VPS13A: variants seen among roughly 807,000 people sequenced by gnomAD.
VPS13A encodes vacuolar protein sorting 13 homolog A.
VPS13A carries 264 observed loss-of-function variants against 390.9 expected under a neutral mutation model. The observed-to-expected ratio is 0.68, with a 90% CI of 0.61 to 0.75. The LOEUF (loss-of-function observed/expected upper bound fraction) is 0.75. Among genes scored for constraint, VPS13A ranks in the 30% least tolerant of loss-of-function variants. VPS13A has a pLI of 0.00. For missense variants in VPS13A, 3,409 were observed against 3,733.9 expected (o/e 0.91, Z 2.27); for synonymous variants, 1,231 against 1,227.1 (o/e 1.00, Z -0.07).
At chr9:77,220,158 T>C (rs1823111182) in intron 11 of VPS13A, 77 bp downstream of exon 11, 3 of 1,529,506 alleles carry the variant, frequency 2.0e-6, no homozygotes, top group Non-Finnish European at 2.7e-6. Context: ...AATGTTTCAC[T>C]AAAATTCATG....
In VPS13A at chr9:77,207,247, AT is replaced by A. The variant is rs1564630475; in HGVS notation, c.385+1169del. Among the ~76,000 whole-genome samples the A allele has an allele frequency of 6.7e-4, 77 of 115,766 alleles. 7 individuals are homozygous for A. The highest frequency in any genetic ancestry group is 2.1e-3 in the African/African-American group (67 of 31,554). The allele number at this position is 115,766 out of a possible 152,430, so 75.9% of individuals were successfully genotyped here. On this transcript the variant is annotated intron_variant, in intron 5 of 71. Coordinates refer to ENST00000360280, the MANE Select transcript of VPS13A (RefSeq NM_033305.3). ...TATATATATATATATATATATATAT[AT>A]ATATAAAACGTGTTATATGTAACAT...
chr9:77,204,976 C>T (rs4259476), intron 3 of VPS13A, among the ~76,000 whole-genome samples: 145,569 of 152,220 alleles, frequency 0.96, 69,661 homozygotes, highest in East Asian at 1. Context: ...AGAGTAAGAA[C>T]TGGGGAAATT....
At chr9:77,225,784 A>C (rs981491630) in intron 13 of VPS13A, 142 bp from the exon 14 acceptor site, 1 of 605,890 alleles carries the variant, frequency 1.7e-6, no homozygotes, top group South Asian at 2.3e-5. Context: ...AATTTAACAT[A>C]TGTATTATAT....
intron 1 of VPS13A, among the ~76,000 whole-genome samples, chr9:77,180,079 A>AG (rs1326123556): frequency 6.6e-6 from 1 of 152,204 alleles, no homozygotes; most frequent in Non-Finnish European, 1.5e-5. Flanking sequence ...CATTATATTC[A>AG]TAGACCACAA....
chr9:77,392,486 A>G (rs774097915), intron 68 of VPS13A, among the ~76,000 whole-genome samples: 24 of 152,190 alleles, frequency 1.6e-4, no homozygotes, highest in Admixed American at 9.2e-4. Context: ...TCCAGGTTGT[A>G]AAAGAGAGAT....
intron 65 of VPS13A, 155 bp downstream of exon 65, chr9:77,370,733 C>A: frequency 1.4e-6 from 1 of 738,542 alleles, no homozygotes; most frequent in Non-Finnish European, 1.6e-6. Flanking sequence ...ATGTCAGTAG[C>A]CTCTAAAACA....
intron 34 of VPS13A, among the ~76,000 whole-genome samples, chr9:77,303,919 G>A (rs1171150240): frequency 6.6e-6 from 1 of 151,994 alleles, no homozygotes; most frequent in Non-Finnish European, 1.5e-5. Flanking sequence ...AGTTACCAGG[G>A]GCAGGCAGGA....
Position 77,371,154 on chromosome 9 carries a change from A to G in VPS13A, c.9077+5A>G. 1 of 1,613,938 alleles carries G rather than the reference A, an allele frequency of 6.2e-7. No homozygotes were observed. The highest frequency in any genetic ancestry group is 1.7e-4 in the Middle Eastern group (1 of 6,060). On this transcript the variant is annotated splice_donor_5th_base_variant and intron_variant, in intron 67 of 71. Transcript: ENST00000360280. ...TACATTTCAGGGAATAAAAAGGTAA[A>G]TCCTCTTTGGTGTAAGATATGAGTT...
chr9:77,220,475 C>G, intron 12 of VPS13A, 92 bp downstream of exon 12: 1 of 878,994 alleles, frequency 1.1e-6, no homozygotes, highest in Non-Finnish European at 1.8e-6. Flanking sequence ...TAAGATATAC[C>G]ATTTTTAAGG....
intron 34 of VPS13A, among the ~76,000 whole-genome samples, chr9:77,303,608 T>G (rs890381321): frequency 6.6e-6 from 1 of 152,164 alleles, no homozygotes; most frequent in Non-Finnish European, 1.5e-5. Context: ...TTTTATTGAT[T>G]ATTATTTTCA....
chr9:77,224,479 G>A (rs959508212), intron 13 of VPS13A, among the ~76,000 whole-genome samples: 4 of 152,200 alleles, frequency 2.6e-5, no homozygotes, highest in African/African-American at 9.6e-5. Context: ...GTGTTTGGAA[G>A]TTGATTCCAA....
rs147297305 is a variant in VPS13A at position 77,243,770 on chromosome 9, A to G, written c.1901-3489A>G. On this transcript the variant is annotated intron_variant, in intron 19 of 71. Coordinates refer to ENST00000360280, the MANE Select transcript of VPS13A (RefSeq NM_033305.3). The stretch of plus-strand genomic sequence containing the variant: ...GCCTATTGATAGATGTTATACTCTT[A>G]TGGATAGGACAAATATAAAACTAAG... 5.9e-5 allele frequency among the ~76,000 whole-genome samples: 9 copies of G among 152,310 alleles called. No individual in the cohort carries two copies. In the East Asian group the frequency reaches 1.5e-3, roughly 26 times the overall value.
At chr9:77,187,815 T>C (rs1228976193) in intron 1 of VPS13A, among the ~76,000 whole-genome samples, 2 of 152,298 alleles carry the variant, frequency 1.3e-5, no homozygotes, top group African/African-American at 2.4e-5. Context: ...GTCACCCAGG[T>C]AGAGAGCATA....
At chr9:77,360,809 A>C (rs1276196653) in intron 59 of VPS13A, among the ~76,000 whole-genome samples, 168 bp downstream of exon 59, 1 of 152,144 alleles carries the variant, frequency 6.6e-6, no homozygotes, top group Non-Finnish European at 1.5e-5. Context: ...TTCTGATGAT[A>C]GAAAATTAGC....
chr9:77,213,694 G>T (rs534044668), intron 9 of VPS13A, among the ~76,000 whole-genome samples: 1 of 151,980 alleles, frequency 6.6e-6, no homozygotes, highest in African/African-American at 2.4e-5. Flanking sequence ...TAGAGACAAG[G>T]TCTCACTTTT....
At chr9:77,357,557 A>T (rs1338868801) in intron 55 of VPS13A, 135 bp from the exon 56 acceptor site, 5 of 838,886 alleles carry the variant, frequency 6.0e-6, no homozygotes, top group Non-Finnish European at 9.2e-6. Flanking sequence ...TTTTATGGAC[A>T]TGGGATATTA....
intron 68 of VPS13A, among the ~76,000 whole-genome samples, chr9:77,386,983 C>A (rs940902642): frequency 7.9e-5 from 12 of 151,494 alleles, no homozygotes; most frequent in Admixed American, 7.9e-4. Context: ...GGATTACAGG[C>A]GTGAGCCACC....
chr9:77,299,626 T>C (rs1168577283), intron 33 of VPS13A, among the ~76,000 whole-genome samples: 3 of 152,166 alleles, frequency 2.0e-5, no homozygotes, highest in Non-Finnish European at 2.9e-5. Context: ...CATGCACACG[T>C]ATGTTTATTG....
chr9:77,380,136 GT>G (rs139271350), intron 67 of VPS13A, among the ~76,000 whole-genome samples: 3 of 151,716 alleles, frequency 2.0e-5, no homozygotes, highest in Non-Finnish European at 4.4e-5. Context: ...TTTAAAGGCT[GT>G]TTTTTTCTGA....
Sources: allele counts gnomAD v4.1 joint callset (sites outside exome capture counted in the v4.1 genomes callset), GRCh38; gene constraint gnomAD v4.1.1; transcripts MANE v1.5; gene names NCBI Gene and HGNC (gene_info 2026-07-23, HGNC 2026-07-21).